Variants in ZNF804A observed in about 807,000 individuals in gnomAD.
ZNF804A encodes the protein zinc finger protein 804A.
Under a neutral mutation model 16.5 loss-of-function variants are expected in ZNF804A, and 2 were observed. The observed-to-expected ratio is 0.12, with a 90% CI of 0.05 to 0.38. ZNF804A has a LOEUF of 0.38. ZNF804A is among the 10% of genes least tolerant of loss of function. ZNF804A has a pLI of 0.99. For synonymous variants in ZNF804A, 534 were observed against 489.6 expected (o/e 1.09, Z -1.20); for missense variants, 1,473 against 1,390.7 (o/e 1.06, Z -0.94).
At chr2:184,672,592 G>C (rs2105713441) in intron 1 of ZNF804A, among the ~76,000 whole-genome samples, 1 of 151,886 alleles carries the variant, frequency 6.6e-6, no homozygotes, top group East Asian at 1.9e-4. Flanking sequence ...ATGACTACCA[G>C]AAATTTAACC....
intron 2 of ZNF804A, among the ~76,000 whole-genome samples, chr2:184,910,766 A>G (rs1211278800): frequency 6.6e-6 from 1 of 152,002 alleles, no homozygotes; most frequent in Non-Finnish European, 1.5e-5. Context: ...GGCCACTTGT[A>G]TATCTTCTTT....
chr2:184,838,517 T>C (rs1392435260), intron 1 of ZNF804A, among the ~76,000 whole-genome samples: 1 of 152,184 alleles, frequency 6.6e-6, no homozygotes, highest in Non-Finnish European at 1.5e-5. Context: ...AGGAAATTTC[T>C]TTATTTTGCT....
At chr2:184,639,361 A>G (rs2105692358) in intron 1 of ZNF804A, among the ~76,000 whole-genome samples, 1 of 151,974 alleles carries the variant, frequency 6.6e-6, no homozygotes, top group South Asian at 2.1e-4. Context: ...GGTATCAGCC[A>G]CCGCGCCTGG....
At chr2:184,701,822 T>G (rs1692923875) in intron 1 of ZNF804A, among the ~76,000 whole-genome samples, 1 of 151,960 alleles carries the variant, frequency 6.6e-6, no homozygotes, top group South Asian at 2.1e-4. Flanking sequence ...GAGTGTTGTT[T>G]TAAGGCCACT....
At position 184,938,102 on chromosome 2, in the gene ZNF804A, C is replaced by A. The variant is rs751958485; in HGVS notation, c.2706C>A (p.Thr902=). ...AAACTGAGCATTTAGAAATGGAGAC[C>A]ACTTCTGGTGAATTGTCAGATGTTT... The part of the protein sequence containing the change: ...NGETEHLEME[T]TSGELSDVSN... Residue 902 remains threonine (T), a synonymous_variant, in exon 4 of 4, where the codon ACC becomes ACA. Transcript: ENST00000302277. 231 of 1,613,956 alleles carry A rather than the reference C, an allele frequency of 1.4e-4. No homozygotes were observed. The highest frequency in any genetic ancestry group is 1.9e-4 in the Non-Finnish European group (220 of 1,180,026).
intron 1 of ZNF804A, among the ~76,000 whole-genome samples, chr2:184,757,397 C>T (rs1023885541): frequency 1.3e-5 from 2 of 151,904 alleles, no homozygotes; most frequent in Non-Finnish European, 2.9e-5. Flanking sequence ...CCTTCATCAT[C>T]TCCTGCTTGA....
At chr2:184,890,849 T>C (rs1211500822) in intron 2 of ZNF804A, among the ~76,000 whole-genome samples, 1 of 150,788 alleles carries the variant, frequency 6.6e-6, no homozygotes, top group Non-Finnish European at 1.5e-5. Context: ...TTACATATTA[T>C]ATATAACATA....
intron 1 of ZNF804A, among the ~76,000 whole-genome samples, chr2:184,606,654 A>C (rs1288279575): frequency 6.6e-6 from 1 of 152,208 alleles, no homozygotes; most frequent in East Asian, 1.9e-4. Context: ...TTGGCCTGAT[A>C]ACCAGCTGAA....
At chr2:184,761,033 T>A (rs1694030580) in intron 1 of ZNF804A, among the ~76,000 whole-genome samples, 1 of 152,186 alleles carries the variant, frequency 6.6e-6, no homozygotes, top group Non-Finnish European at 1.5e-5. Context: ...TGTGTTGATA[T>A]CAGATAAGCT....
intron 1 of ZNF804A, among the ~76,000 whole-genome samples, chr2:184,719,166 A>G (rs1693262148): frequency 6.6e-6 from 1 of 152,198 alleles, no homozygotes; most frequent in African/African-American, 2.4e-5. Context: ...TACACCCTGA[A>G]GCAATAGTCT....
At chr2:184,795,226 A>T (rs915236692) in intron 1 of ZNF804A, among the ~76,000 whole-genome samples, 1 of 152,188 alleles carries the variant, frequency 6.6e-6, no homozygotes, top group African/African-American at 2.4e-5. Flanking sequence ...GCACTCTCCC[A>T]GACGACAGTG....
intron 1 of ZNF804A, among the ~76,000 whole-genome samples, chr2:184,764,692 T>A (rs1307375310): frequency 6.6e-6 from 1 of 152,202 alleles, no homozygotes; most frequent in Non-Finnish European, 1.5e-5. Flanking sequence ...ATAAATAGAC[T>A]CTTTAAGAAA....
chr2:184,787,709 T>C (rs1694470301), intron 1 of ZNF804A, among the ~76,000 whole-genome samples: 1 of 152,090 alleles, frequency 6.6e-6, no homozygotes, highest in South Asian at 2.1e-4. Context: ...TTTGGTGCCT[T>C]TCTCGTTGAC....
At chr2:184,762,992 A>G (rs1320252481) in intron 1 of ZNF804A, among the ~76,000 whole-genome samples, 2 of 152,178 alleles carry the variant, frequency 1.3e-5, no homozygotes, top group African/African-American at 2.4e-5. Context: ...ATTTCTAGCC[A>G]TTTAGTCATT....
At chr2:184,660,740 G>A (rs1423492592) in intron 1 of ZNF804A, among the ~76,000 whole-genome samples, 6 of 152,214 alleles carry the variant, frequency 3.9e-5, no homozygotes, top group Non-Finnish European at 7.3e-5. Flanking sequence ...TGCTACACTT[G>A]GGATATCTAG....
chr2:184,712,681 C>T (rs535406500), intron 1 of ZNF804A, among the ~76,000 whole-genome samples: 19 of 151,642 alleles, frequency 1.3e-4, no homozygotes, highest in East Asian at 1.9e-4. Flanking sequence ...TGATGGTGCC[C>T]GTAATTCTCT....
At chr2:184,860,444 TC>T (rs1468081530) in intron 1 of ZNF804A, among the ~76,000 whole-genome samples, 4 of 152,212 alleles carry the variant, frequency 2.6e-5, no homozygotes, top group African/African-American at 9.6e-5. Flanking sequence ...CTAGATTATA[TC>T]CACAGGAACT....
chr2:184,829,941 A>AAAAAAAAAAAAAAAAAAAAAAAAAAAAAC (rs1558975002), intron 1 of ZNF804A, among the ~76,000 whole-genome samples: 1 of 146,084 alleles, frequency 6.8e-6, no homozygotes, highest in African/African-American at 2.6e-5. Flanking sequence ...AAAAAAAAAA[A>AAAAAAAAAAAAAAAAAAAAAAAAAAAAAC]ACCACACACA....
intron 1 of ZNF804A, among the ~76,000 whole-genome samples, chr2:184,729,332 G>A (rs1693474135): frequency 6.6e-6 from 1 of 151,078 alleles, no homozygotes; most frequent in Non-Finnish European, 1.5e-5. Flanking sequence ...TTTTTTTTAA[G>A]TAAAATGTTA....
Sources: gnomAD v4.1 joint callset for allele counts (sites outside exome capture counted in the v4.1 genomes callset) on GRCh38, gnomAD v4.1.1 for gene constraint, MANE v1.5 for transcripts, NCBI Gene and HGNC (gene_info 2026-07-23, HGNC 2026-07-21) for gene names.